Variants in RAB10 observed in about 807,000 individuals in gnomAD.
RAB10 encodes ras-related protein Rab-10.
Under a neutral mutation model 25.7 loss-of-function variants are expected in RAB10, and 5 were observed. That is an observed-to-expected ratio of 0.19 (90% CI 0.10 to 0.41). The LOEUF (loss-of-function observed/expected upper bound fraction) is 0.41. Ranked by LOEUF, RAB10 falls within the 10% of genes least tolerant of loss-of-function variation. RAB10 has a pLI of 1.00. For missense variants in RAB10, 103 were observed against 245.8 expected (o/e 0.42, Z 3.89); for synonymous variants, 89 against 86.4 (o/e 1.03, Z -0.16).
intron 1 of RAB10, among the ~76,000 whole-genome samples, chr2:26,074,911 TG>T (rs1271783867): frequency 6.6e-6 from 1 of 152,242 alleles, no homozygotes; most frequent in African/African-American, 2.4e-5. Context: ...GTAAAATGCT[TG>T]GAACGGGTCT....
At chr2:26,048,061 T>A (rs1472148280) in intron 1 of RAB10, among the ~76,000 whole-genome samples, 1 of 151,150 alleles carries the variant, frequency 6.6e-6, no homozygotes, top group African/African-American at 2.4e-5. Context: ...TTTTTTAAAT[T>A]GTTGAGTAGT....
At chr2:26,094,201 TA>T (rs761944668) in intron 1 of RAB10, among the ~76,000 whole-genome samples, 4 of 149,388 alleles carry the variant, frequency 2.7e-5, no homozygotes, top group Non-Finnish European at 5.9e-5. Context: ...TTTCCTTACT[TA>T]AAAAAAAAGC....
intron 1 of RAB10, among the ~76,000 whole-genome samples, chr2:26,060,634 C>T (rs1305123639): frequency 2.0e-5 from 3 of 152,004 alleles, no homozygotes; most frequent in Non-Finnish European, 2.9e-5. Flanking sequence ...CCTTATTTTG[C>T]CAGTGAGAAA....
chr2:26,126,889 T>A (rs538821715), intron 3 of RAB10, among the ~76,000 whole-genome samples: 1 of 152,356 alleles, frequency 6.6e-6, no homozygotes, highest in African/African-American at 2.4e-5. Context: ...AGAAAGAACA[T>A]ACCTAGAAAG....
At chr2:26,041,049 T>TC (rs776263650) in intron 1 of RAB10, among the ~76,000 whole-genome samples, 16 of 151,950 alleles carry the variant, frequency 1.1e-4, no homozygotes, top group Non-Finnish European at 2.2e-4. Context: ...TTTTTTTTTT[T>TC]CTCATGTGTG....
chr2:26,085,546 CCTT>C (rs1021628470), intron 1 of RAB10, among the ~76,000 whole-genome samples: 9 of 151,344 alleles, frequency 5.9e-5, no homozygotes, highest in Admixed American at 5.3e-4. Context: ...ACCAGCTTGA[CCTT>C]CTTCCAAGTG....
In RAB10 at chr2:26,094,529, G is replaced by A. The variant is rs535107409; in HGVS notation, c.128-4133G>A. ...AGCCTCTGAACGTGCTGGGATTACA[G>A]GCGTGAGCCACCGCACCTGGCCGTA... On this transcript the variant is annotated intron_variant, in intron 1 of 5. Transcript: ENST00000264710. 3.5e-4 allele frequency among the ~76,000 whole-genome samples: 53 copies of A among 152,022 alleles called. 2 individuals carry two copies. In the South Asian group the frequency reaches 0.011, roughly 31 times the overall value.
Position 26,127,252 on chromosome 2 carries a change from C to G in RAB10, c.417+19C>G, listed in dbSNP as rs1227392296. On this transcript the variant is annotated intron_variant, in intron 4 of 5. Transcript: ENST00000264710. ...AGAACAGGTAAAAATCTGAATTAAA[C>G]TGATACTCTGCTCTGTCTTTGTAAA... 1 of 1,511,254 alleles carries G rather than the reference C, an allele frequency of 6.6e-7. No individual in the cohort carries two copies. The highest frequency in any genetic ancestry group is 2.3e-5 in the East Asian group (1 of 43,038). 93.6% of individuals were successfully genotyped at this position (1,511,254 alleles called of 1,614,324 possible).
chr2:26,100,388 C>A (rs1667318207), intron 2 of RAB10, among the ~76,000 whole-genome samples: 4 of 152,220 alleles, frequency 2.6e-5, no homozygotes. Context: ...TCTGAAATTA[C>A]AAGACAATGA....
At chr2:26,087,543 C>G (rs1251426475) in intron 1 of RAB10, among the ~76,000 whole-genome samples, 1 of 152,122 alleles carries the variant, frequency 6.6e-6, no homozygotes, top group Non-Finnish European at 1.5e-5. Flanking sequence ...GCTGGGATTA[C>G]AGGCGCCTGC....
At chr2:26,081,357 G>C (rs774499710) in intron 1 of RAB10, among the ~76,000 whole-genome samples, 1 of 152,102 alleles carries the variant, frequency 6.6e-6, no homozygotes, top group Non-Finnish European at 1.5e-5. Flanking sequence ...GTGATGTTCT[G>C]TGACATTCCT....
Position 26,034,597 on chromosome 2 carries a change from C to T in RAB10, c.-12C>T. 6.2e-7 allele frequency: 1 copy of T among 1,612,860 alleles called. No individual in the cohort carries two copies. Among genetic ancestry groups the T allele is most frequent in the South Asian group, 1.1e-5 (1 of 91,020 alleles). Reference sequence around the variant, plus strand: ...GGGCCGCCGGCGGCGAGAGCCCGAGCCGCTCCTCCCAATGGCGAAGAAGAC... The same window carrying T: ...GGGCCGCCGGCGGCGAGAGCCCGAGTCGCTCCTCCCAATGGCGAAGAAGAC... On this transcript the variant is annotated 5_prime_UTR_variant, in exon 1 of 6. Transcript: ENST00000264710.
chr2:26,134,921 TTG>T lies in RAB10; in HGVS notation c.520-11_520-10del, dbSNP rs561608263. The T allele has an allele frequency of 5.7e-4, 910 of 1,593,204 alleles. 14 individuals are homozygous for T. The South Asian group carries it at 9.5e-3, about 17-fold the overall frequency. On this transcript the variant is annotated splice_polypyrimidine_tract_variant and intron_variant, in intron 5 of 5. Transcript: ENST00000264710. ...AGTGTTTTTTCATGAGTTATTTTCC[TTG>T]TGTGTTTGTTGCAGACCCCTGTAAA...
At chr2:26,110,084 C>G (rs762715481) in intron 3 of RAB10, among the ~76,000 whole-genome samples, 178 bp downstream of exon 3, 3 of 152,074 alleles carry the variant, frequency 2.0e-5, no homozygotes, top group Non-Finnish European at 4.4e-5. Context: ...TGCCTGTAAT[C>G]CCAGCACTTT....
At chr2:26,075,549 T>G (rs1281658302) in intron 1 of RAB10, among the ~76,000 whole-genome samples, 2 of 152,088 alleles carry the variant, frequency 1.3e-5, no homozygotes, top group South Asian at 4.1e-4. Context: ...TTACAAAATT[T>G]TTTAAAAGGA....
At chr2:26,067,031 C>G (rs1021653970) in intron 1 of RAB10, among the ~76,000 whole-genome samples, 1 of 152,104 alleles carries the variant, frequency 6.6e-6, no homozygotes, top group Non-Finnish European at 1.5e-5. Context: ...ATCCACCTGC[C>G]TCAGCCTCCC....
chr2:26,053,779 G>A (rs1016439911), intron 1 of RAB10, among the ~76,000 whole-genome samples: 2 of 152,022 alleles, frequency 1.3e-5, no homozygotes, highest in Non-Finnish European at 2.9e-5. Context: ...GAGTGCAATG[G>A]CACAGTCTCG....
intron 1 of RAB10, among the ~76,000 whole-genome samples, chr2:26,072,881 ATTG>A (rs1204136191): frequency 6.6e-6 from 1 of 152,198 alleles, no homozygotes; most frequent in Non-Finnish European, 1.5e-5. Flanking sequence ...AAATACTTAA[ATTG>A]TTTTCTTAGT....
intron 1 of RAB10, among the ~76,000 whole-genome samples, chr2:26,039,844 C>A (rs1665844875): frequency 6.6e-6 from 1 of 151,420 alleles, no homozygotes; most frequent in Non-Finnish European, 1.5e-5. Flanking sequence ...GAGACCCTGT[C>A]TGTATGAAAA....
Sources: allele counts gnomAD v4.1 joint callset (sites outside exome capture counted in the v4.1 genomes callset), GRCh38; gene constraint gnomAD v4.1.1; transcripts MANE v1.5; gene names NCBI Gene and HGNC (gene_info 2026-07-23, HGNC 2026-07-21).